AGMO: variants seen among roughly 807,000 people sequenced by gnomAD.
The protein encoded by AGMO is glyceryl-ether monooxygenase.
AGMO carries 75 observed loss-of-function variants against 60.2 expected under a neutral mutation model. The observed-to-expected ratio is 1.25, with a 90% CI of 1.03 to 1.51. The LOEUF (loss-of-function observed/expected upper bound fraction) is 1.51, where lower values mean the gene tolerates loss of function less well. AGMO is among the 40% of genes most tolerant of loss of function. The pLI is 0.00. For missense variants in AGMO, 763 were observed against 525.5 expected (o/e 1.45, Z -4.42); for synonymous variants, 261 against 177.1 (o/e 1.47, Z -3.76).
intron 12 of AGMO, among the ~76,000 whole-genome samples, chr7:15,283,287 G>A (rs867882621): frequency 6.6e-6 from 1 of 151,970 alleles, no homozygotes; most frequent in Non-Finnish European, 1.5e-5. Context: ...ATACAGATTG[G>A]CAGAATAGAT....
intron 3 of AGMO, among the ~76,000 whole-genome samples, chr7:15,434,617 C>G (rs1235066355): frequency 6.6e-6 from 1 of 152,062 alleles, no homozygotes; most frequent in African/African-American, 2.4e-5. Flanking sequence ...TGCCAACAAC[C>G]ATGTAAGAGA....
chr7:15,472,617 TCA>T (rs1334198162), intron 3 of AGMO, among the ~76,000 whole-genome samples: 2 of 151,912 alleles, frequency 1.3e-5, no homozygotes, highest in African/African-American at 4.8e-5. Flanking sequence ...GAATTAAACG[TCA>T]CAGTTAATTT....
intron 5 of AGMO, among the ~76,000 whole-genome samples, chr7:15,404,111 G>A (rs915761823): frequency 1.3e-5 from 2 of 151,884 alleles, no homozygotes; most frequent in African/African-American, 4.8e-5. Flanking sequence ...GAGGAATCAG[G>A]ACTGTTGGGA....
chr7:15,404,911 C>T (rs576717637), intron 5 of AGMO, among the ~76,000 whole-genome samples: 5 of 151,878 alleles, frequency 3.3e-5, no homozygotes, highest in Admixed American at 2.6e-4. Context: ...AATGTTAGAT[C>T]GCTTTGTCAT....
chr7:15,469,038 A>G (rs1782368681), intron 3 of AGMO, among the ~76,000 whole-genome samples: 1 of 152,096 alleles, frequency 6.6e-6, no homozygotes, highest in African/African-American at 2.4e-5. Context: ...CTCAGAACAT[A>G]TTTAGGAAGT....
intron 3 of AGMO, among the ~76,000 whole-genome samples, chr7:15,485,142 C>CA (rs34731268): frequency 0.23 from 22,891 of 97,788 alleles, 2,881 homozygotes; most frequent in East Asian, 0.61. Flanking sequence ...ACTAAAAATA[C>CA]AAAAAAAAAA....
At chr7:15,343,271 T>C (rs1301443248) in intron 12 of AGMO, among the ~76,000 whole-genome samples, 1 of 152,176 alleles carries the variant, frequency 6.6e-6, no homozygotes, top group East Asian at 1.9e-4. Flanking sequence ...ATTATCTTTC[T>C]GCCAATGAGT....
At chr7:15,529,197 A>G (rs1784210419) in intron 3 of AGMO, among the ~76,000 whole-genome samples, 1 of 151,986 alleles carries the variant, frequency 6.6e-6, no homozygotes, top group South Asian at 2.1e-4. Context: ...GGTGTTTTTA[A>G]AAGAAAAATG....
intron 12 of AGMO, among the ~76,000 whole-genome samples, chr7:15,349,612 G>A (rs890803754): frequency 8.5e-5 from 13 of 152,164 alleles, no homozygotes; most frequent in African/African-American, 2.9e-4. Context: ...TACAAATGGT[G>A]TATTAGCCTA....
chr7:15,459,687 A>C (rs1025285243), intron 3 of AGMO, among the ~76,000 whole-genome samples: 2 of 151,554 alleles, frequency 1.3e-5, no homozygotes, highest in Non-Finnish European at 1.5e-5. Context: ...ATTTTTGCTC[A>C]TAGATTTTAT....
chr7:15,470,585 T>A (rs945501064), intron 3 of AGMO, among the ~76,000 whole-genome samples: 3 of 152,010 alleles, frequency 2.0e-5, no homozygotes, highest in African/African-American at 7.2e-5. Context: ...CAGTATTGAC[T>A]TATGTTATCT....
At chr7:15,466,311 C>A (rs190715978) in intron 3 of AGMO, among the ~76,000 whole-genome samples, 2 of 152,244 alleles carry the variant, frequency 1.3e-5, no homozygotes, top group Admixed American at 1.3e-4. Flanking sequence ...GGATTCAATT[C>A]TGGGTAATCT....
At chr7:15,235,563 G>A (rs2128500824) in intron 12 of AGMO, among the ~76,000 whole-genome samples, 1 of 152,214 alleles carries the variant, frequency 6.6e-6, no homozygotes, top group East Asian at 1.9e-4. Flanking sequence ...ACTGGTTCTT[G>A]TTTGTATAGT....
At chr7:15,177,002 A>T in the AGMO span, among the ~76,000 whole-genome samples, 2 of 152,104 alleles carry the variant, frequency 1.3e-5, no homozygotes, top group Non-Finnish European at 1.5e-5. Flanking sequence ...TAGATGTCTC[A>T]TTCTTGCCTA....
At position 15,560,259 on chromosome 7, in the gene AGMO, A is replaced by C; in HGVS notation, c.139T>G (p.Phe47Val). The stretch of plus-strand genomic sequence containing the variant: ...AGTTCAAGCAGCATCAAAGAAATGA[A>C]AAATGGAGTTGCCTGGAAAGGAAGT... ...PDYVKKATPFFISLMLLELVV... is the reference protein window; with the variant it reads ...PDYVKKATPFVISLMLLELVV... The change falls in exon 2 of 13, where the codon TTC (phenylalanine) becomes GTC (valine). Residue 47 changes from phenylalanine (F) to valine (V), a missense_variant. Coordinates refer to ENST00000342526, the MANE Select transcript of AGMO (RefSeq NM_001004320.2). The C allele has an allele frequency of 6.2e-7, 1 of 1,612,234 alleles. No homozygotes were observed. The highest frequency in any genetic ancestry group is 8.5e-7 in the Non-Finnish European group (1 of 1,178,718).
intron 5 of AGMO, among the ~76,000 whole-genome samples, chr7:15,407,890 A>T (rs1004757741): frequency 2.6e-5 from 4 of 151,862 alleles, no homozygotes; most frequent in Non-Finnish European, 5.9e-5. Context: ...GATGCTTCCC[A>T]TGTGCAGAAA....
At chr7:15,146,204 T>C in the AGMO span, among the ~76,000 whole-genome samples, 8 of 152,198 alleles carry the variant, frequency 5.3e-5, no homozygotes, top group South Asian at 2.1e-4. Flanking sequence ...TCAAGTTATG[T>C]TATAAAATAT....
At chr7:15,122,358 G>A in the AGMO span, among the ~76,000 whole-genome samples, 1 of 152,042 alleles carries the variant, frequency 6.6e-6, no homozygotes, top group Non-Finnish European at 1.5e-5. Context: ...GTGTACTTCT[G>A]TATCTGCAGT....
downstream of AGMO, among the ~76,000 whole-genome samples, chr7:15,196,911 A>C (rs1781130819): frequency 6.6e-6 from 1 of 152,238 alleles, no homozygotes; most frequent in Non-Finnish European, 1.5e-5. Flanking sequence ...TCTGCAAGAG[A>C]TAAACATCAA....
Sources: allele counts gnomAD v4.1 joint callset (sites outside exome capture counted in the v4.1 genomes callset), GRCh38; gene constraint gnomAD v4.1.1; transcripts MANE v1.5; gene names NCBI Gene and HGNC (gene_info 2026-07-23, HGNC 2026-07-21).